The following CARD8 variants were observed in gnomAD, a reference collection of about 807,000 sequenced individuals.
The protein encoded by CARD8 is caspase recruitment domain family member 8.
A neutral mutation model predicts 53.2 loss-of-function variants in CARD8; 38 were observed. The observed-to-expected ratio is 0.71, with a 90% CI of 0.55 to 0.94. CARD8 has a LOEUF of 0.94. Ranked by LOEUF, CARD8 falls within the 40% of genes least tolerant of loss-of-function variation. The pLI is 0.00. For synonymous variants in CARD8, 245 were observed against 244.9 expected (o/e 1.00, Z 0.00); for missense variants, 561 against 655.5 (o/e 0.86, Z 1.57).
chr19:48,230,285 C>T (rs545010548), intron 10 of CARD8, among the ~76,000 whole-genome samples, 153 bp downstream of exon 10: 1 of 152,292 alleles, frequency 6.6e-6, no homozygotes, highest in South Asian at 2.1e-4. Flanking sequence ...CCAGAGTCAG[C>T]ACCTTGGATG....
chr19:48,247,513 G>T (rs2046313048), intron 3 of CARD8, among the ~76,000 whole-genome samples: 1 of 151,908 alleles, frequency 6.6e-6, no homozygotes, highest in Non-Finnish European at 1.5e-5. Context: ...GAAAGGCATA[G>T]TAAACAACAT....
At chr19:48,246,398 G>A (rs950536100) in intron 3 of CARD8, among the ~76,000 whole-genome samples, 3 of 152,118 alleles carry the variant, frequency 2.0e-5, no homozygotes, top group Admixed American at 6.6e-5. Flanking sequence ...TTCAAAAACA[G>A]TATTTAGAAA....
intron 11 of CARD8, among the ~76,000 whole-genome samples, chr19:48,220,094 A>C (rs563659589): frequency 6.6e-6 from 1 of 152,216 alleles, no homozygotes; most frequent in Non-Finnish European, 1.5e-5. Flanking sequence ...ATGTTTATGG[A>C]AGGTTCTGCA....
At chr19:48,241,133 T>C in intron 3 of CARD8, 70 bp from the exon 4 acceptor site, 1 of 860,670 alleles carries the variant, frequency 1.2e-6, no homozygotes, top group Non-Finnish European at 1.8e-6. Flanking sequence ...AGCTTCTGTG[T>C]CTCTCAAAGG....
At chr19:48,242,852 AT>A (rs1282547351) in intron 3 of CARD8, among the ~76,000 whole-genome samples, 2 of 152,060 alleles carry the variant, frequency 1.3e-5, no homozygotes, top group Non-Finnish European at 1.5e-5. Flanking sequence ...GCCAATCTCC[AT>A]TCCCACCAGC....
At chr19:48,220,579 C>T (rs1357567789) in intron 11 of CARD8, among the ~76,000 whole-genome samples, 1 of 152,088 alleles carries the variant, frequency 6.6e-6, no homozygotes, top group African/African-American at 2.4e-5. Flanking sequence ...TGGACAACCT[C>T]ATCTTTATTT....
At chr19:48,255,011 T>C (rs2047417693) in intron 1 of CARD8, among the ~76,000 whole-genome samples, 1 of 152,252 alleles carries the variant, frequency 6.6e-6, no homozygotes, top group Non-Finnish European at 1.5e-5. Flanking sequence ...TTTATCTCCC[T>C]GAATATACAC....
At position 48,230,437 on chromosome 19, in the gene CARD8, C is replaced by T; in HGVS notation, c.1035+1G>A. The T allele has an allele frequency of 6.2e-7, 1 of 1,601,188 alleles. No homozygotes were observed. ...CTGGTCTCCTAAATCACTCAGCTTACCTTTGTTAGCAAGGCGTCGCTGGGG... is the reference window on the plus strand; with the variant it reads ...CTGGTCTCCTAAATCACTCAGCTTATCTTTGTTAGCAAGGCGTCGCTGGGG... On this transcript the variant is annotated splice_donor_variant, in intron 10 of 13. Coordinates refer to ENST00000651546, the MANE Select transcript of CARD8 (RefSeq NM_001184900.3). LOFTEE classifies it high-confidence loss of function.
At chr19:48,238,651 C>T in intron 4 of CARD8, 119 bp from the exon 5 acceptor site, 1 of 873,190 alleles carries the variant, frequency 1.1e-6, no homozygotes, top group Non-Finnish European at 1.7e-6. Context: ...CATCCTTAGA[C>T]ATGCCCATCC....
intron 3 of CARD8, among the ~76,000 whole-genome samples, chr19:48,243,486 A>T (rs1180142241): frequency 6.6e-6 from 1 of 152,224 alleles, no homozygotes; most frequent in Non-Finnish European, 1.5e-5. Flanking sequence ...TAAAATCTGC[A>T]TATTTAATTT....
At chr19:48,247,551 G>A (rs1417322303) in intron 3 of CARD8, among the ~76,000 whole-genome samples, 2 of 151,854 alleles carry the variant, frequency 1.3e-5, no homozygotes, top group Admixed American at 6.6e-5. Context: ...CAAGTAAAGA[G>A]TAAAAATTTG....
At chr19:48,207,748 T>TTTTTTTTTTTTTG (rs2037456174), downstream of CARD8, among the ~76,000 whole-genome samples, 5 of 66,574 alleles carry the variant, frequency 7.5e-5, no homozygotes, top group Admixed American at 4.5e-4. Context: ...TTTTTTTTTT[T>TTTTTTTTTTTTTG]TTTTTGAGAC....
At chr19:48,236,305 C>T (rs545832797) in intron 5 of CARD8, among the ~76,000 whole-genome samples, 65 of 152,264 alleles carry the variant, frequency 4.3e-4, no homozygotes, top group African/African-American at 1.3e-3. Flanking sequence ...CTCTGCCTCC[C>T]GGGTTCAAGC....
chr19:48,245,782 A>G, intron 3 of CARD8, among the ~76,000 whole-genome samples: 1 of 148,590 alleles, frequency 6.7e-6, no homozygotes, highest in African/African-American at 2.4e-5. Context: ...TATATATAAA[A>G]TAACTAATTT....
downstream of CARD8, among the ~76,000 whole-genome samples, chr19:48,204,648 G>T (rs1169907061): frequency 1.3e-5 from 2 of 152,166 alleles, no homozygotes; most frequent in Non-Finnish European, 2.9e-5. Context: ...ACTATAGACG[G>T]AATTGGGGTT....
chr19:48,204,056 G>C (rs925733808), downstream of CARD8: 4 of 420,396 alleles, frequency 9.5e-6, no homozygotes, highest in African/African-American at 8.1e-5. Context: ...GGAGAGGAGT[G>C]GGGAGGAGCT....
At chr19:48,248,472 A>ACAC (rs1008213297) in intron 3 of CARD8, among the ~76,000 whole-genome samples, 6 of 152,366 alleles carry the variant, frequency 3.9e-5, no homozygotes, top group African/African-American at 1.4e-4. Context: ...GATAAAACAC[A>ACAC]AATGTCCTGA....
chr19:48,220,997 A>G (rs7508683), intron 11 of CARD8, among the ~76,000 whole-genome samples: 7,345 of 65,642 alleles, frequency 0.11, 238 homozygotes, highest in Admixed American at 0.19. Context: ...AAGGAAGGAA[A>G]GAAAGAAAGA....
chr19:48,235,016 C>G (rs1164615319), intron 5 of CARD8, among the ~76,000 whole-genome samples: 1 of 152,114 alleles, frequency 6.6e-6, no homozygotes, highest in Non-Finnish European at 1.5e-5. Context: ...TATAAGAACC[C>G]ATGGAACAGT....
Sources: gnomAD v4.1 joint callset for allele counts (sites outside exome capture counted in the v4.1 genomes callset) on GRCh38, gnomAD v4.1.1 for gene constraint, MANE v1.5 for transcripts, NCBI Gene and HGNC (gene_info 2026-07-23, HGNC 2026-07-21) for gene names.